CDH13: variants seen among roughly 807,000 people sequenced by gnomAD.
The protein encoded by CDH13 is cadherin-13.
In CDH13, 24 loss-of-function variants were observed where a neutral mutation model predicts 63.8. The ratio of observed to expected loss-of-function variants is 0.38; its 90% CI spans 0.27 to 0.53. CDH13 has a LOEUF of 0.53. Among genes scored for constraint, CDH13 ranks in the 20% least tolerant of loss-of-function variants. The pLI is 0.85. For synonymous variants in CDH13, 503 were observed against 355.3 expected, an observed-to-expected ratio of 1.42 and a Z score of -4.67; for missense variants, 1,049 against 903.1, an observed-to-expected ratio of 1.16 and a Z score of -2.07.
intron 7 of CDH13, among the ~76,000 whole-genome samples, chr16:83,564,007 C>A (rs1352561556): frequency 6.6e-6 from 1 of 152,214 alleles, no homozygotes; most frequent in African/African-American, 2.4e-5. Flanking sequence ...CCATTAGTTT[C>A]TTCATCTGCA....
intron 10 of CDH13, among the ~76,000 whole-genome samples, chr16:83,743,623 A>G (rs1415468216): frequency 6.6e-6 from 1 of 152,186 alleles, no homozygotes; most frequent in East Asian, 1.9e-4. Context: ...AACTGAGTTG[A>G]GTAATCAGGC....
rs557201495 is a variant in CDH13, at chr16:83,532,553, A to G, written c.960+45898A>G. On this transcript the variant is annotated intron_variant, in intron 7 of 13. Coordinates refer to ENST00000567109, the MANE Select transcript of CDH13 (RefSeq NM_001257.5). ...CATCCAGAGTGCCTAGCTCAGCGCTAGTGCATGGTAGCTTCTCCATAAATA... is the reference window on the plus strand; with the variant it reads ...CATCCAGAGTGCCTAGCTCAGCGCTGGTGCATGGTAGCTTCTCCATAAATA... Among the ~76,000 whole-genome samples the G allele has an allele frequency of 5.9e-5, 9 of 152,342 alleles. No homozygotes were observed. The East Asian group carries it at 1.7e-3, about 29-fold the overall frequency.
At chr16:83,316,356 GA>G (rs1207000219) in intron 5 of CDH13, among the ~76,000 whole-genome samples, 1 of 152,184 alleles carries the variant, frequency 6.6e-6, no homozygotes, top group Non-Finnish European at 1.5e-5. Context: ...TGGCCTAGTG[GA>G]GGGGGAATCT....
chr16:83,506,358 C>G (rs1043211296), intron 7 of CDH13, among the ~76,000 whole-genome samples: 18 of 152,150 alleles, frequency 1.2e-4, no homozygotes, highest in African/African-American at 3.9e-4. Flanking sequence ...ATGCTCCTGA[C>G]TCCTGCACTC....
intron 1 of CDH13, among the ~76,000 whole-genome samples, chr16:82,627,372 G>C (rs1037214939): frequency 4.6e-5 from 7 of 151,734 alleles, no homozygotes; most frequent in African/African-American, 1.7e-4. Context: ...GTGTGTGTGT[G>C]TGTGTGTGTA....
chr16:83,708,125 C>T (rs7190410), intron 10 of CDH13, among the ~76,000 whole-genome samples: 50,357 of 152,012 alleles, frequency 0.33, 8,555 homozygotes, highest in Non-Finnish European at 0.35. Flanking sequence ...TTATCAAGTG[C>T]AAGACTCACC....
intron 11 of CDH13, among the ~76,000 whole-genome samples, chr16:83,762,027 A>C (rs776529983): frequency 6.6e-6 from 1 of 152,194 alleles, no homozygotes; most frequent in East Asian, 1.9e-4. Context: ...ACGCCACTGC[A>C]CTCCAGCCTG....
At position 83,503,077 on chromosome 16, in the gene CDH13, C is replaced by T. The variant is rs182327944; in HGVS notation, c.960+16422C>T. ...GCTACACAGAGAGAGGGGCTCCTTGCCTCCTAGATCTGTACCTTGTAGGTG... is the reference window on the plus strand; with the variant it reads ...GCTACACAGAGAGAGGGGCTCCTTGTCTCCTAGATCTGTACCTTGTAGGTG... On this transcript the variant is annotated intron_variant, in intron 7 of 13. Transcript: ENST00000567109. Among the ~76,000 whole-genome samples, 36 of 152,328 alleles carry T rather than the reference C, an allele frequency of 2.4e-4. No individual in the cohort carries two copies. The East Asian group carries it at 6.2e-3, about 26-fold the overall frequency.
At chr16:83,558,803 G>C (rs1019079034) in intron 7 of CDH13, among the ~76,000 whole-genome samples, 2 of 152,114 alleles carry the variant, frequency 1.3e-5, no homozygotes, top group South Asian at 2.1e-4. Flanking sequence ...TCAGGGAAAG[G>C]GTACATCTTT....
chr16:83,665,538 A>G (rs79580680), intron 8 of CDH13, among the ~76,000 whole-genome samples: 1,608 of 152,246 alleles, frequency 0.011, 33 homozygotes, highest in African/African-American at 0.037. Context: ...TCTCTCCCCT[A>G]CCCTTTTATC....
intron 1 of CDH13, among the ~76,000 whole-genome samples, chr16:82,783,205 A>G (rs1384075033): frequency 2.0e-5 from 3 of 152,196 alleles, no homozygotes; most frequent in Admixed American, 2.0e-4. Context: ...AGACCTGCTC[A>G]GCTCCTCCCC....
At chr16:82,676,669 T>C (rs1913946913) in intron 1 of CDH13, among the ~76,000 whole-genome samples, 1 of 152,076 alleles carries the variant, frequency 6.6e-6, no homozygotes, top group South Asian at 2.1e-4. Context: ...TGGCCTGCCG[T>C]TGGTTTTTTT....
chr16:82,733,179 A>T (rs2033489775), intron 1 of CDH13, among the ~76,000 whole-genome samples: 1 of 152,198 alleles, frequency 6.6e-6, no homozygotes, highest in Non-Finnish European at 1.5e-5. Flanking sequence ...GTGTCCTCAC[A>T]TTGGCTGGCT....
At chr16:82,764,647 G>A (rs2034981833) in intron 1 of CDH13, among the ~76,000 whole-genome samples, 1 of 152,198 alleles carries the variant, frequency 6.6e-6, no homozygotes, top group South Asian at 2.1e-4. Flanking sequence ...CAATAAACGT[G>A]TGTTGAATAA....
chr16:83,363,879 G>A (rs916406087), intron 6 of CDH13, among the ~76,000 whole-genome samples: 1 of 152,158 alleles, frequency 6.6e-6, no homozygotes, highest in Non-Finnish European at 1.5e-5. Context: ...GAATATCAGA[G>A]AGGGTCACAG....
intron 8 of CDH13, among the ~76,000 whole-genome samples, chr16:83,609,697 GT>G (rs1306564993): frequency 1.3e-5 from 2 of 152,098 alleles, no homozygotes; most frequent in Non-Finnish European, 2.9e-5. Flanking sequence ...GGCCATTCAA[GT>G]TTTTTACTAA....
chr16:82,933,017 T>A (rs2151297613), intron 2 of CDH13, among the ~76,000 whole-genome samples: 1 of 152,260 alleles, frequency 6.6e-6, no homozygotes, highest in South Asian at 2.1e-4. Context: ...AATTTCATAT[T>A]TTTTTATATT....
In CDH13 at chr16:83,678,228, T is replaced by C. The variant is rs1470286647; in HGVS notation, c.1305T>C (p.Ser435=). The stretch of plus-strand genomic sequence containing the variant: ...TCCAGCCATTGGACTATGAAATTTC[T>C]GCCTTCCACACCCTGCTGATCAAAG... ...SVVKPLDYEI[S]AFHTLLIKVE... The change falls in exon 10 of 14, where the codon TCT becomes TCC. Residue 435 remains serine, a synonymous_variant. Transcript: ENST00000567109. The C allele has an allele frequency of 6.2e-7, 1 of 1,612,448 alleles. No individual in the cohort carries two copies. Among genetic ancestry groups the C allele is most frequent in the Non-Finnish European group, 8.5e-7 (1 of 1,178,568 alleles).
intron 10 of CDH13, among the ~76,000 whole-genome samples, chr16:83,696,385 C>T (rs541305696): frequency 3.8e-4 from 58 of 152,156 alleles, no homozygotes; most frequent in Admixed American, 2.4e-3. Flanking sequence ...CATTCATGTT[C>T]TTTGTGTCTG....
Sources: gnomAD v4.1 joint callset for allele counts (sites outside exome capture counted in the v4.1 genomes callset) on GRCh38, gnomAD v4.1.1 for gene constraint, MANE v1.5 for transcripts, NCBI Gene and HGNC (gene_info 2026-07-23, HGNC 2026-07-21) for gene names.